Variants in ZC3H18 observed in about 807,000 individuals in gnomAD.
ZC3H18 encodes the protein zinc finger CCCH domain-containing protein 18.
Under a neutral mutation model 106.1 loss-of-function variants are expected in ZC3H18, and 8 were observed. That is an observed-to-expected ratio of 0.08 (90% CI 0.04 to 0.14). The LOEUF (loss-of-function observed/expected upper bound fraction) is 0.14. Among genes scored for constraint, ZC3H18 ranks in the 10% least tolerant of loss-of-function variants. ZC3H18 has a pLI of 1.00. For synonymous variants in ZC3H18, 635 were observed against 522.1 expected (o/e 1.22, Z -2.95); for missense variants, 1,318 against 1,278.4 (o/e 1.03, Z -0.47).
intron 3 of ZC3H18, among the ~76,000 whole-genome samples, chr16:88,589,813 G>A (rs1339006163): frequency 2.6e-5 from 4 of 152,238 alleles, no homozygotes; most frequent in Non-Finnish European, 5.9e-5. Flanking sequence ...GGGGTGGAGA[G>A]TGATAGCTAG....
At chr16:88,617,848 TC>T (rs937667104) in intron 8 of ZC3H18, among the ~76,000 whole-genome samples, 2 of 152,246 alleles carry the variant, frequency 1.3e-5, no homozygotes, top group Non-Finnish European at 2.9e-5. Flanking sequence ...CGCTTCATGC[TC>T]AGTTTTTTGG....
At chr16:88,628,190 T>C (rs1906435475) in intron 15 of ZC3H18, 71 bp downstream of exon 15, 1 of 1,556,896 alleles carries the variant, frequency 6.4e-7, no homozygotes. Context: ...CTGAGACAGC[T>C]TCCTCCTGGG....
intron 6 of ZC3H18, among the ~76,000 whole-genome samples, chr16:88,603,638 T>G (rs1904861890): frequency 6.7e-6 from 1 of 149,536 alleles, no homozygotes; most frequent in African/African-American, 2.4e-5. Flanking sequence ...TTTTTTTTTT[T>G]TTGAGACGGA....
chr16:88,577,638 A>G lies in ZC3H18; in HGVS notation c.515A>G (p.Gln172Arg). 1.9e-6 allele frequency: 3 copies of G among 1,613,930 alleles called. No individual in the cohort carries two copies. Among genetic ancestry groups the G allele is most frequent in the East Asian group, 4.5e-5 (2 of 44,860 alleles). ...AGGGAGGAGGGGAAGGCTGGTGTTCAGAGTGTGGGAGAAAAGGAATCCCTG... is the reference window on the plus strand; with the variant it reads ...AGGGAGGAGGGGAAGGCTGGTGTTCGGAGTGTGGGAGAAAAGGAATCCCTG... Reference protein sequence around the residue: ...TPREEGKAGVQSVGEKESLEA... With the variant: ...TPREEGKAGVRSVGEKESLEA... The change falls in exon 2 of 18, where the codon CAG (glutamine) becomes CGG (arginine). Residue 172 changes from glutamine (Q) to arginine (R), a missense_variant. Gln to Arg is a conservative substitution (Grantham distance 43, BLOSUM62 1). This residue lies in a region of ZC3H18 where 346 missense variants were observed against 269.0 expected (regional missense o/e 1.29). Transcript: ENST00000301011.
chr16:88,618,312 A>G (rs1905749942), intron 8 of ZC3H18, among the ~76,000 whole-genome samples: 1 of 152,104 alleles, frequency 6.6e-6, no homozygotes, highest in South Asian at 2.1e-4. Context: ...CTCCACAGGC[A>G]CTCACAGAAC....
chr16:88,588,909 A>G (rs1187993917), intron 3 of ZC3H18, among the ~76,000 whole-genome samples: 1 of 152,028 alleles, frequency 6.6e-6, no homozygotes, highest in Non-Finnish European at 1.5e-5. Flanking sequence ...GTCAGAAGCT[A>G]GATAAGGCAG....
intron 1 of ZC3H18, 34 bp from the exon 2 acceptor site, chr16:88,577,076 T>TAA: frequency 6.7e-7 from 1 of 1,501,598 alleles, no homozygotes; most frequent in Non-Finnish European, 8.9e-7. Context: ...TCCATTTTGC[T>TAA]AAAGGCTGTC....
intron 2 of ZC3H18, among the ~76,000 whole-genome samples, chr16:88,584,291 G>A (rs773857769): frequency 1.3e-5 from 2 of 151,846 alleles, no homozygotes; most frequent in East Asian, 1.9e-4. Flanking sequence ...GCGTGATGTC[G>A]GGCACCTGTA....
At chr16:88,607,000 G>C (rs1419095552) in intron 6 of ZC3H18, among the ~76,000 whole-genome samples, 2 of 152,192 alleles carry the variant, frequency 1.3e-5, no homozygotes, top group Non-Finnish European at 2.9e-5. Context: ...CCTATTGCTA[G>C]TGTACACTTT....
intron 8 of ZC3H18, among the ~76,000 whole-genome samples, chr16:88,619,646 C>G (rs1488321551): frequency 5.3e-5 from 8 of 152,330 alleles, no homozygotes; most frequent in Non-Finnish European, 1.2e-4. Context: ...GCCCGCCTCT[C>G]TGGACCTCAG....
At chr16:88,614,894 C>T (rs1157842697) in intron 8 of ZC3H18, among the ~76,000 whole-genome samples, 4 of 152,226 alleles carry the variant, frequency 2.6e-5, no homozygotes, top group African/African-American at 9.6e-5. Flanking sequence ...GTGCACACAC[C>T]CCCAGCCGCT....
chr16:88,571,551 G>T, intron 1 of ZC3H18: 1 of 899,402 alleles, frequency 1.1e-6, no homozygotes, highest in African/African-American at 1.8e-5. Flanking sequence ...GCAGTATGGA[G>T]CCCAGCCAGC....
chr16:88,608,746 C>T, intron 6 of ZC3H18, 188 bp from the exon 7 acceptor site: 5 of 479,514 alleles, frequency 1.0e-5, no homozygotes, highest in East Asian at 3.2e-5. Flanking sequence ...TGAATAGAAC[C>T]CTTTGACTTC....
chr16:88,574,850 G>A (rs1424805778), intron 1 of ZC3H18, among the ~76,000 whole-genome samples: 13 of 134,596 alleles, frequency 9.7e-5, no homozygotes, highest in Admixed American at 5.5e-4. Flanking sequence ...TTTTTTTTGA[G>A]ACGGAGTCTC....
At chr16:88,613,196 G>A (rs1905368759) in intron 8 of ZC3H18, among the ~76,000 whole-genome samples, 1 of 152,234 alleles carries the variant, frequency 6.6e-6, no homozygotes, top group Non-Finnish European at 1.5e-5. Flanking sequence ...TGTCCACGTT[G>A]TAGCGTGGGT....
At chr16:88,587,563 CTCT>C (rs763884406) in intron 3 of ZC3H18, 280 of 1,536,136 alleles carry the variant, frequency 1.8e-4, no homozygotes, top group South Asian at 2.7e-4. Flanking sequence ...CCATTATCCA[CTCT>C]TCTTCCACCA....
At position 88,598,248 on chromosome 16, in the gene ZC3H18, A is replaced by T. The variant is rs149632151; in HGVS notation, c.759A>T (p.Leu253=). The T allele has an allele frequency of 6.2e-7, 1 of 1,613,634 alleles. No individual in the cohort carries two copies. The highest frequency in any genetic ancestry group is 8.5e-7 in the Non-Finnish European group (1 of 1,179,886). ...PGVNDKGNYS[L]ITKADPFPPN... ...TGAACGACAAGGGGAACTACTCCCT[A>T]ATCACCAAAGCCGACCCCTTCCCGC... Residue 253 remains leucine, a synonymous_variant, in exon 4 of 18, where the codon CTA becomes CTT. Coordinates refer to ENST00000301011, the MANE Select transcript of ZC3H18 (RefSeq NM_144604.4).
At chr16:88,590,766 G>C (rs1208346549) in intron 3 of ZC3H18, among the ~76,000 whole-genome samples, 1 of 151,364 alleles carries the variant, frequency 6.6e-6, no homozygotes, top group Non-Finnish European at 1.5e-5. Context: ...CATCATGTTG[G>C]CCAGGCTGGT....
chr16:88,583,143 C>T (rs1030522651), intron 2 of ZC3H18, among the ~76,000 whole-genome samples: 6 of 152,256 alleles, frequency 3.9e-5, no homozygotes, highest in Non-Finnish European at 7.3e-5. Context: ...GGCCCCCTTT[C>T]CTTATCTGCA....
Sources: gnomAD v4.1 joint callset for allele counts (sites outside exome capture counted in the v4.1 genomes callset) on GRCh38, gnomAD v4.1.1 for gene constraint, gnomAD v4.1.1 regional missense constraint, MANE v1.5 for transcripts, NCBI Gene and HGNC (gene_info 2026-07-23, HGNC 2026-07-21) for gene names.